Variants in PLXNB3 observed in about 807,000 individuals in gnomAD.
PLXNB3 encodes the protein plexin B3.
PLXNB3 carries 80 observed loss-of-function variants against 125.7 expected under a neutral mutation model. That is an observed-to-expected ratio of 0.64 (90% CI 0.53 to 0.77). The LOEUF is 0.77. Ranked by LOEUF, PLXNB3 falls within the 30% of genes least tolerant of loss-of-function variation. PLXNB3 has a pLI of 0.00. For synonymous variants in PLXNB3, 954 were observed against 783.3 expected, an observed-to-expected ratio of 1.22 and a Z score of -3.64; for missense variants, 1,836 against 1,729.3, an observed-to-expected ratio of 1.06 and a Z score of -1.09.
chrX:153,769,861 G>C lies in PLXNB3; in HGVS notation c.1551G>C (p.Trp517Cys), dbSNP rs781809734. Residue 517 changes from tryptophan to cysteine, a missense_variant, in exon 7 of 36, where the codon TGG becomes TGC. Trp to Cys is a radical substitution (Grantham distance 215). Coordinates refer to ENST00000361971, the MANE Select transcript of PLXNB3 (RefSeq NM_005393.3). ...CAGGCCAGCTGAACCAGTGGCTGTG[G>C]AGTTATGAGGAGGACAGCCACTGCC... ...GRAGQLNQWLWSYEEDSHCLH... is the reference protein window; with the variant it reads ...GRAGQLNQWLCSYEEDSHCLH... The C allele has an allele frequency of 1.7e-6, 2 of 1,206,281 alleles. No individual in the cohort carries two copies. The highest frequency in any genetic ancestry group is 3.0e-5 in the East Asian group (1 of 33,712).
In PLXNB3 at chrX:153,775,982, G is replaced by A. The variant is rs2091981341; in HGVS notation, c.4497G>A (p.Arg1499=). The A allele has an allele frequency of 8.3e-6, 10 of 1,210,855 alleles. No homozygotes were observed. The East Asian group carries it at 2.7e-4, about 32-fold the overall frequency. The change falls in exon 27 of 36, where the codon CGG becomes CGA. Residue 1499 remains arginine, a synonymous_variant. Coordinates refer to ENST00000361971, the MANE Select transcript of PLXNB3 (RefSeq NM_005393.3). ...PVDAVTGKAK[R]TLNDSRLLRE... is the part of the protein sequence containing the mutation. ...ACGCCGTGACAGGCAAGGCCAAACGGACCCTGAATGATAGCCGCTTGCTGC... is the reference window on the plus strand; with the variant it reads ...ACGCCGTGACAGGCAAGGCCAAACGAACCCTGAATGATAGCCGCTTGCTGC...
rs1557062044 is a variant in PLXNB3, at chrX:153,771,872, CCT to C, written c.2527_2528del (p.Leu843AspfsTer5). ...PAPSIDAVEP[L>X]TGPPEGGLAL... ...TCATTTGCCTGCTGCAGGTCGAGCC[CCT>C]GACCGGTCCCCCTGAGGGAGGCTTG... On this transcript the variant is annotated frameshift_variant, in exon 15 of 36. Transcript: ENST00000361971. LOFTEE classifies it high-confidence loss of function. 1 of 1,206,935 alleles carries C rather than the reference CCT, an allele frequency of 8.3e-7. No individual in the cohort carries two copies. Among genetic ancestry groups the C allele is most frequent in the East Asian group, 3.0e-5 (1 of 33,688 alleles).
chrX:153,779,163 T>C lies in PLXNB3; in HGVS notation c.*124T>C, dbSNP rs187188631. On this transcript the variant is annotated 3_prime_UTR_variant, in exon 36 of 36. Transcript: ENST00000361971. ...GGGCACAGGGTGCAAAGCCAGGCACTGTGCCCAGCAGTGGGCTCCCTGCCT... is the reference window on the plus strand; with the variant it reads ...GGGCACAGGGTGCAAAGCCAGGCACCGTGCCCAGCAGTGGGCTCCCTGCCT... 6.5e-4 allele frequency: 289 copies of C among 444,479 alleles called. 2 individuals are homozygous for C. Among genetic ancestry groups the C allele is most frequent in the African/African-American group, 6.4e-3 (252 of 39,679 alleles). 36.6% of individuals were successfully genotyped at this position (444,479 alleles called of 1,213,427 possible). A position where few individuals can be genotyped will look rare whatever the true frequency, so the allele number is the denominator to read the frequency against.
In PLXNB3 at chrX:153,778,615, C is replaced by T; in HGVS notation, c.5566C>T (p.Pro1856Ser). Residue 1856 changes from proline (P) to serine (S), a missense_variant, in exon 35 of 36, where the codon CCC becomes TCC. Transcript: ENST00000361971. ...AELSGNYTSA[P>S]HCLEALQELY... ...GTGCCCCCAGAACTACACTTCTGCT[C>T]CCCACTGTCTGGAGGCTCTGCAAGA... 1 of 1,204,244 alleles carries T rather than the reference C, an allele frequency of 8.3e-7. No homozygotes were observed. Among genetic ancestry groups the T allele is most frequent in the Non-Finnish European group, 1.1e-6 (1 of 890,989 alleles).
intron 35 of PLXNB3, 101 bp from the exon 36 acceptor site, chrX:153,778,834 C>G: frequency 9.0e-7 from 1 of 1,109,626 alleles, no homozygotes; most frequent in East Asian, 3.3e-5. Context: ...GCAGCCCCTG[C>G]TGGATCCCCA....
In PLXNB3 at chrX:153,777,295, T is replaced by G. The variant is rs200641103; in HGVS notation, c.5015T>G (p.Val1672Gly). 8.3e-7 allele frequency: 1 copy of G among 1,202,619 alleles called. No individual in the cohort carries two copies. ...ACCGAGGAGCCAGAAGGGGCCAAGG[T>G]GCGGTGCAGCAGCCTGCGGGAGCGC... ...KATEEPEGAK[V>G]RCSSLREREP... The change falls in exon 30 of 36, where the codon GTG becomes GGG. Residue 1672 changes from valine (V) to glycine (G), a missense_variant. Physicochemically the swap from Val to Gly is moderately radical, Grantham distance 109. Transcript: ENST00000361971.
At position 153,766,059 on chromosome X, in the gene PLXNB3, G is replaced by A. The variant is rs782138892; in HGVS notation, c.45+479G>A. ...CCTACACTGAGGCCCCCTGTGCCAG[G>A]CCCTGAGAGACCCAAACTGCTGGGG... On this transcript the variant is annotated intron_variant, in intron 2 of 35. Transcript: ENST00000361971. 1.3e-5 allele frequency: 14 copies of A among 1,056,649 alleles called. No individual in the cohort carries two copies. The African/African-American group carries it at 2.5e-4, about 19-fold the overall frequency. 87.1% of individuals were successfully genotyped at this position (1,056,649 alleles called of 1,213,427 possible). A position where few individuals can be genotyped will look rare whatever the true frequency, so the allele number is the denominator to read the frequency against.
rs1415476181 is a variant in PLXNB3, at chrX:153,767,262, T to C, written c.435T>C (p.Leu145=). Residue 145 remains leucine, a synonymous_variant, in exon 3 of 36, where the codon CTT becomes CTC. Transcript: ENST00000361971. ...AGGGCGTGTGTGAGACACGGCGCCTTGGGGATGTGGCCGAGGTGCTGTACC... is the reference window on the plus strand; with the variant it reads ...AGGGCGTGTGTGAGACACGGCGCCTCGGGGATGTGGCCGAGGTGCTGTACC... ...VRQGVCETRR[L]GDVAEVLYQA... 8.3e-7 allele frequency: 1 copy of C among 1,206,015 alleles called. No homozygotes were observed. The highest frequency in any genetic ancestry group is 1.1e-6 in the Non-Finnish European group (1 of 892,980).
chrX:153,769,791 G>T lies in PLXNB3; in HGVS notation c.1497-16G>T. 8.3e-7 allele frequency: 1 copy of T among 1,200,640 alleles called. No individual in the cohort carries two copies. The highest frequency in any genetic ancestry group is 1.1e-6 in the Non-Finnish European group (1 of 890,931). ...CTAGGACCCCCACGGTGACCTGATG[G>T]ACCCCTGCCTGGCAGGTGTACCCGG... On this transcript the variant is annotated splice_polypyrimidine_tract_variant and intron_variant, in intron 6 of 35. Coordinates refer to ENST00000361971, the MANE Select transcript of PLXNB3 (RefSeq NM_005393.3).
At chrX:153,774,393 C>T in intron 21 of PLXNB3, 27 bp from the exon 22 acceptor site, 1 of 1,164,124 alleles carries the variant, frequency 8.6e-7, no homozygotes, top group Non-Finnish European at 1.1e-6. Flanking sequence ...CGCCAGCATG[C>T]ACTCAGGAAC....
In PLXNB3 at chrX:153,771,122, C is replaced by T. The variant is rs782664371; in HGVS notation, c.2253+41C>T. On this transcript the variant is annotated intron_variant, in intron 12 of 35. Coordinates refer to ENST00000361971, the MANE Select transcript of PLXNB3 (RefSeq NM_005393.3). ...CCAAACCCTCTTGCCCCCAAGCTTCCGTAGACCCTCAGGGGTCTGCCATCT... is the reference window on the plus strand; with the variant it reads ...CCAAACCCTCTTGCCCCCAAGCTTCTGTAGACCCTCAGGGGTCTGCCATCT... The T allele has an allele frequency of 1.7e-5, 19 of 1,105,256 alleles. No individual in the cohort carries two copies. In the South Asian group the frequency reaches 2.1e-4, roughly 12 times the overall value. 91.1% of individuals were successfully genotyped at this position (1,105,256 alleles called of 1,213,427 possible). A position where few individuals can be genotyped will look rare whatever the true frequency, so the allele number is the denominator to read the frequency against.
Position 153,775,215 on chromosome X carries a change from C to G in PLXNB3, c.4156-10C>G, listed in dbSNP as rs1385720240. On this transcript the variant is annotated splice_polypyrimidine_tract_variant and intron_variant, in intron 24 of 35. Coordinates refer to ENST00000361971, the MANE Select transcript of PLXNB3 (RefSeq NM_005393.3). The stretch of plus-strand genomic sequence containing the variant: ...GGGCTTCCCAGGATGAGCCTCCGAC[C>G]CCTGCTCAGCTCATCCACACCCTGG... 1.7e-6 allele frequency: 2 copies of G among 1,167,098 alleles called. No homozygotes were observed. The highest frequency in any genetic ancestry group is 5.0e-5 in the Admixed American group (2 of 39,702).
At chrX:153,773,468 G>A in intron 18 of PLXNB3, 50 bp from the exon 19 acceptor site, 1 of 1,182,523 alleles carries the variant, frequency 8.5e-7, no homozygotes, top group Non-Finnish European at 1.1e-6. Flanking sequence ...GATGCGGGCT[G>A]GGCTATGTTG....
Position 153,770,092 on chromosome X carries a change from G to C in PLXNB3, c.1630G>C (p.Val544Leu), listed in dbSNP as rs1557061068. Residue 544 changes from valine (V) to leucine (L), a missense_variant and splice_region_variant, in exon 8 of 36, where the codon GTC becomes CTC. Transcript: ENST00000361971. ...GHHPRQEQGQ[V>L]TLSVPRLPIL... ...CCGGTTTCTCCCCGCTGCATCCCAG[G>C]TCACTTTGTCTGTCCCCCGGCTGCC... 8.3e-7 allele frequency: 1 copy of C among 1,210,670 alleles called. No homozygotes were observed. The highest frequency in any genetic ancestry group is 3.0e-5 in the East Asian group (1 of 33,859).
chrX:153,771,237 G>T, intron 12 of PLXNB3, 73 bp from the exon 13 acceptor site: 3 of 956,926 alleles, frequency 3.1e-6, no homozygotes, highest in South Asian at 3.9e-5. Flanking sequence ...CATTCTGGGG[G>T]GTGGCCCAGA....
In PLXNB3 at chrX:153,772,999, T is replaced by G. The variant is rs2091949487; in HGVS notation, c.2889T>G (p.Gly963=). 8.4e-7 allele frequency: 1 copy of G among 1,187,745 alleles called. No individual in the cohort carries two copies. The highest frequency in any genetic ancestry group is 1.1e-6 in the Non-Finnish European group (1 of 886,109). The change falls in exon 17 of 36, where the codon GGT becomes GGG. Residue 963 remains glycine (G), a synonymous_variant. Coordinates refer to ENST00000361971, the MANE Select transcript of PLXNB3 (RefSeq NM_005393.3). ...QTGGNTSAFV[G]GQPCPILEPV... is the part of the protein sequence containing the mutation. ...GTGGCAACACCAGTGCCTTCGTGGG[T>G]GGCCAACCCTGTCCCATGTGAGTCC...
chrX:153,769,772 C>A, intron 6 of PLXNB3, 35 bp from the exon 7 acceptor site: 1 of 1,187,361 alleles, frequency 8.4e-7, no homozygotes, highest in South Asian at 1.8e-5. Context: ...GAGTCTAGGA[C>A]CCCCACGGTG....
At chrX:153,770,281 G>C (rs782545607) in intron 8 of PLXNB3, 33 bp downstream of exon 8, 1 of 1,206,355 alleles carries the variant, frequency 8.3e-7, no homozygotes, top group Admixed American at 2.2e-5. Flanking sequence ...GGCTGGGATG[G>C]AGGCTGGAGG....
chrX:153,775,693 T>G (rs1389380951), intron 26 of PLXNB3, 33 bp downstream of exon 26: 2 of 1,176,882 alleles, frequency 1.7e-6, no homozygotes, highest in African/African-American at 3.5e-5. Context: ...CTCCCAGCCC[T>G]GAGTGGCAGA....
Sources: allele counts gnomAD v4.1 joint callset, GRCh38; gene constraint gnomAD v4.1.1; transcripts MANE v1.5; gene names NCBI Gene and HGNC (gene_info 2026-07-23, HGNC 2026-07-21).